EYA1: variants seen among roughly 807,000 people sequenced by gnomAD.
EYA1 encodes EYA transcriptional coactivator and phosphatase 1.
EYA1 carries 16 observed loss-of-function variants against 82.0 expected under a neutral mutation model. The ratio of observed to expected loss-of-function variants is 0.20; its 90% CI spans 0.13 to 0.30. The LOEUF is 0.30. EYA1 is among the 10% of genes least tolerant of loss of function. The pLI, the probability that EYA1 is intolerant of heterozygous loss-of-function variation, is 1.00. For missense variants in EYA1, 633 were observed against 730.7 expected (o/e 0.87, Z 1.54); for synonymous variants, 261 against 264.4 (o/e 0.99, Z 0.12).
At chr8:71,223,569 G>A (rs1390480920) in intron 12 of EYA1, among the ~76,000 whole-genome samples, 2 of 152,216 alleles carry the variant, frequency 1.3e-5, no homozygotes, top group Non-Finnish European at 2.9e-5. Flanking sequence ...CAGTTCTGGT[G>A]TAGGTATAGG....
intron 9 of EYA1, among the ~76,000 whole-genome samples, chr8:71,297,388 CTTAAT>C (rs1346304826): frequency 6.6e-6 from 1 of 151,890 alleles, no homozygotes; most frequent in East Asian, 1.9e-4. Context: ...TCTAATCAAC[CTTAAT>C]TTAAGAAACA....
At chr8:71,392,928 G>C (rs912642144) in intron 2 of EYA1, among the ~76,000 whole-genome samples, 19 of 151,772 alleles carry the variant, frequency 1.3e-4, no homozygotes, top group Admixed American at 7.9e-4. Context: ...TTTACCTAGG[G>C]CTCTCTAGCA....
chr8:71,226,627 A>G (rs549791204), intron 12 of EYA1, among the ~76,000 whole-genome samples: 21 of 149,040 alleles, frequency 1.4e-4, no homozygotes, highest in African/African-American at 5.1e-4. Flanking sequence ...CTCTAAAGGT[A>G]ATGGATTAAT....
chr8:71,277,115 A>ATGCT (rs1563383057), intron 9 of EYA1, among the ~76,000 whole-genome samples: 64 of 76,946 alleles, frequency 8.3e-4, no homozygotes, highest in African/African-American at 3.0e-3. Flanking sequence ...GGCTTCACAC[A>ATGCT]TTTTTTTTTT....
At chr8:71,512,451 G>A (rs76038876) in intron 2 of EYA1, among the ~76,000 whole-genome samples, 3,112 of 151,712 alleles carry the variant, frequency 0.021, 104 homozygotes, top group African/African-American at 0.072. Flanking sequence ...GATAAAAAGC[G>A]AGCAAGCAAA....
intron 2 of EYA1, among the ~76,000 whole-genome samples, chr8:71,528,069 T>C (rs1813952392): frequency 6.6e-6 from 1 of 151,576 alleles, no homozygotes. Flanking sequence ...CATGCCCCAA[T>C]TGCTAACTGC....
chr8:71,238,912 T>C (rs1200415804), intron 12 of EYA1, among the ~76,000 whole-genome samples: 4 of 152,110 alleles, frequency 2.6e-5, no homozygotes, highest in African/African-American at 9.6e-5. Flanking sequence ...CTAAGTACAA[T>C]GTTTGCTATC....
chr8:71,362,055 C>T lies in EYA1; in HGVS notation c.-463G>A. On this transcript the variant is annotated 5_prime_UTR_variant, in exon 1 of 18. Coordinates refer to ENST00000340726, the MANE Select transcript of EYA1 (RefSeq NM_000503.6). ...CTCCTTCCCCACCAAACAGCAGCGG[C>T]AGATAGCATCTGAGAACCCTAGACA... is the stretch of plus-strand genomic sequence containing the variant. The T allele has an allele frequency of 1.0e-6, 1 of 985,290 alleles. No homozygotes were observed. The highest frequency in any genetic ancestry group is 1.2e-6 in the Non-Finnish European group (1 of 829,962). The allele number at this position is 985,290 out of a possible 1,614,324, so 61.0% of individuals were successfully genotyped here.
At chr8:71,363,413 G>T (rs1358116915), upstream of EYA1, among the ~76,000 whole-genome samples, 2 of 151,862 alleles carry the variant, frequency 1.3e-5, no homozygotes, top group Non-Finnish European at 2.9e-5. Flanking sequence ...CCTCAGAAAA[G>T]AACACTTTGT....
Position 71,198,367 on chromosome 8 carries a change from G to A in EYA1, c.*973C>T, listed in dbSNP as rs1170150683. On this transcript the variant is annotated 3_prime_UTR_variant, in exon 18 of 18. Coordinates refer to ENST00000340726, the MANE Select transcript of EYA1 (RefSeq NM_000503.6). Reference sequence around the variant, plus strand: ...CAAGGCCCTCAGAAGAACTGATGCAGGAAAAAATTTTAGAAAACAAAATCC... The same window carrying A: ...CAAGGCCCTCAGAAGAACTGATGCAAGAAAAAATTTTAGAAAACAAAATCC... 2 of 152,252 alleles carry A rather than the reference G, an allele frequency of 1.3e-5. No individual in the cohort carries two copies. The highest frequency in any genetic ancestry group is 2.9e-5 in the Non-Finnish European group (2 of 67,998). 9.4% of individuals were successfully genotyped at this position (152,252 alleles called of 1,614,324 possible). A position where few individuals can be genotyped will look rare whatever the true frequency, so the allele number is the denominator to read the frequency against.
intron 2 of EYA1, among the ~76,000 whole-genome samples, chr8:71,518,932 C>G (rs1003597538): frequency 3.3e-5 from 5 of 152,024 alleles, no homozygotes; most frequent in South Asian, 2.1e-4. Context: ...ATTATTGAAC[C>G]CTTTTTTCCT....
At chr8:71,372,087 A>G (rs1172818425) in intron 2 of EYA1, among the ~76,000 whole-genome samples, 2 of 152,120 alleles carry the variant, frequency 1.3e-5, no homozygotes, top group Admixed American at 1.3e-4. Context: ...GAGTTTTCGG[A>G]TTGAAAGAGC....
chr8:71,200,995 G>GAGAAATTCATTGT, intron 17 of EYA1, among the ~76,000 whole-genome samples: 1 of 142,616 alleles, frequency 7.0e-6, no homozygotes, highest in Admixed American at 7.1e-5. Flanking sequence ...GAAAATAATG[G>GAGAAATTCATTGT]AGAAATTCAT....
At chr8:71,397,628 T>C (rs1829706300) in intron 2 of EYA1, among the ~76,000 whole-genome samples, 1 of 152,214 alleles carries the variant, frequency 6.6e-6, no homozygotes, top group Admixed American at 6.5e-5. Context: ...CCACTCTCTT[T>C]TGGCTTATAG....
intron 2 of EYA1, among the ~76,000 whole-genome samples, chr8:71,417,430 A>C (rs539718717): frequency 2.0e-5 from 3 of 152,220 alleles, no homozygotes; most frequent in Non-Finnish European, 4.4e-5. Flanking sequence ...AACATGGACA[A>C]GTTTAGAAAG....
At chr8:71,408,641 G>T (rs2129137546) in intron 2 of EYA1, among the ~76,000 whole-genome samples, 1 of 86,444 alleles carries the variant, frequency 1.2e-5, no homozygotes, top group East Asian at 2.4e-4. Context: ...ATTACATAAT[G>T]GTAAAGGGAT....
chr8:71,490,055 G>A (rs1214296094), intron 2 of EYA1, among the ~76,000 whole-genome samples: 1 of 152,174 alleles, frequency 6.6e-6, no homozygotes, highest in Non-Finnish European at 1.5e-5. Context: ...TCTCCCAGAG[G>A]CTATGCTTTT....
intron 2 of EYA1, among the ~76,000 whole-genome samples, chr8:71,523,083 T>G (rs1202224801): frequency 6.6e-6 from 1 of 152,158 alleles, no homozygotes; most frequent in African/African-American, 2.4e-5. Flanking sequence ...TTTCTCATGT[T>G]TTAAGGTGGG....
chr8:71,375,016 G>A (rs1285973664), intron 2 of EYA1, among the ~76,000 whole-genome samples: 2 of 152,176 alleles, frequency 1.3e-5, no homozygotes, highest in Non-Finnish European at 2.9e-5. Context: ...AGATGTAGGT[G>A]AAAAGTGTAG....
Sources: gnomAD v4.1 joint callset for allele counts (sites outside exome capture counted in the v4.1 genomes callset) on GRCh38, gnomAD v4.1.1 for gene constraint, MANE v1.5 for transcripts, NCBI Gene and HGNC (gene_info 2026-07-23, HGNC 2026-07-21) for gene names.